PFAS: variants seen among roughly 807,000 people sequenced by gnomAD.
PFAS encodes the protein phosphoribosylformylglycinamidine synthase.
In PFAS, 97 loss-of-function variants were observed where a neutral mutation model predicts 140.6. The ratio of observed to expected loss-of-function variants is 0.69; its 90% CI spans 0.59 to 0.82. The LOEUF is 0.82. Ranked by LOEUF, PFAS falls within the 40% of genes least tolerant of loss-of-function variation. The probability of loss-of-function intolerance (pLI) is 0.00; values close to 1 mark genes in which losing one functional copy is unlikely to be tolerated. For synonymous variants in PFAS, 679 were observed against 718.8 expected, an observed-to-expected ratio of 0.94 and a Z score of 0.88; for missense variants, 1,656 against 1,780.2, an observed-to-expected ratio of 0.93 and a Z score of 1.26.
chr17:8,255,756 T>C, intron 5 of PFAS, 49 bp from the exon 6 acceptor site: 10 of 1,602,504 alleles, frequency 6.2e-6, no homozygotes, highest in Non-Finnish European at 8.5e-6. Context: ...AGATCTGGAA[T>C]GTGGCTGCCT....
chr17:8,263,964 A>T, intron 15 of PFAS, 28 bp downstream of exon 15: 2 of 1,608,382 alleles, frequency 1.2e-6, no homozygotes, highest in Non-Finnish European at 1.7e-6. Context: ...GTTGGGAGCA[A>T]ACACTGGGGC....
At position 8,264,453 on chromosome 17, in the gene PFAS, C is replaced by T. The variant is rs756659789; in HGVS notation, c.1918-17C>T. 4.3e-6 allele frequency: 7 copies of T among 1,613,278 alleles called. No homozygotes were observed. The highest frequency in any genetic ancestry group is 3.3e-5 in the Admixed American group (2 of 59,956). On this transcript the variant is annotated splice_polypyrimidine_tract_variant and intron_variant, in intron 16 of 27. Coordinates refer to ENST00000314666, the MANE Select transcript of PFAS (RefSeq NM_012393.3). ...CGCCCCAGGTGTTCACACTGCCTGT[C>T]GCTGTCTGTGTTGCAGGAGTTCTTC...
intron 13 of PFAS, 128 bp from the exon 14 acceptor site, chr17:8,263,447 G>A (rs1300102908): frequency 6.9e-6 from 7 of 1,008,616 alleles, no homozygotes; most frequent in Admixed American, 3.6e-5. Flanking sequence ...GGGATGATTG[G>A]TGGTAAGGGT....
In PFAS at chr17:8,266,916, A is replaced by G. The variant is rs1363200591; in HGVS notation, c.2967+18A>G. 6.2e-7 allele frequency: 1 copy of G among 1,600,130 alleles called. No homozygotes were observed. Among genetic ancestry groups the G allele is most frequent in the South Asian group, 1.1e-5 (1 of 89,946 alleles). On this transcript the variant is annotated intron_variant, in intron 23 of 27. Transcript: ENST00000314666. This position sits in a 1 kb window ranked among gnomAD's most constrained non-coding sequence, Gnocchi z 5.0. ...ACGCCATGGTGAGGAAGTGAGGGAG[A>G]GAGCGGTGTGCAGTGGGCAGTCAGA...
At position 8,267,303 on chromosome 17, in the gene PFAS, A is replaced by G. The variant is rs560180422; in HGVS notation, c.3175+68A>G. Reference sequence around the variant, plus strand: ...AGCCTGGATGCCTGGGCCTGCCCTCAGAAAGGTGTCTGGGGAGTTGGGGTG... The same window carrying G: ...AGCCTGGATGCCTGGGCCTGCCCTCGGAAAGGTGTCTGGGGAGTTGGGGTG... On this transcript the variant is annotated intron_variant, in intron 24 of 27. Transcript: ENST00000314666. This position sits in a 1 kb window ranked among gnomAD's most constrained non-coding sequence, Gnocchi z 4.9. 6 of 1,589,924 alleles carry G rather than the reference A, an allele frequency of 3.8e-6. No individual in the cohort carries two copies. Among genetic ancestry groups the G allele is most frequent in the South Asian group, 3.3e-5 (3 of 90,276 alleles).
chr17:8,256,792 T>G, intron 8 of PFAS, 43 bp from the exon 9 acceptor site: 1 of 1,560,080 alleles, frequency 6.4e-7, no homozygotes. Flanking sequence ...GATGGGGGTT[T>G]GTCTCTGAGG....
intron 1 of PFAS, among the ~76,000 whole-genome samples, chr17:8,250,373 G>A (rs1281082405): frequency 6.6e-6 from 1 of 152,224 alleles, no homozygotes; most frequent in African/African-American, 2.4e-5. Flanking sequence ...AGTGATGGTG[G>A]TGGCTTACTT....
In PFAS at chr17:8,264,241, T is replaced by A; in HGVS notation, c.1821T>A (p.Pro607=). ...TGCTGGTGGACGATCGGGAGTGTCC[T>A]GTCAGAAGAAATGGCCAGGGGGATG... The part of the protein sequence containing the change: ...RIVLVDDREC[P]VRRNGQGDAP... The change falls in exon 16 of 28, where the codon CCT becomes CCA. Residue 607 remains proline, a synonymous_variant. Coordinates refer to ENST00000314666, the MANE Select transcript of PFAS (RefSeq NM_012393.3). 6.2e-7 allele frequency: 1 copy of A among 1,614,078 alleles called. No homozygotes were observed. Among genetic ancestry groups the A allele is most frequent in the South Asian group, 1.1e-5 (1 of 91,080 alleles).
intron 9 of PFAS, among the ~76,000 whole-genome samples, chr17:8,257,237 C>T (rs1029078839): frequency 6.6e-6 from 1 of 152,204 alleles, no homozygotes; most frequent in African/African-American, 2.4e-5. Flanking sequence ...ATGATCAGTA[C>T]CTGCCCCTCA....
At position 8,267,957 on chromosome 17, in the gene PFAS, A is replaced by T. The variant is rs1235151097; in HGVS notation, c.3382+292A>T. 7.0e-6 allele frequency among the ~76,000 whole-genome samples: 1 copy of T among 143,830 alleles called. No homozygotes were observed. Among genetic ancestry groups the T allele is most frequent in the Non-Finnish European group, 1.5e-5 (1 of 65,986 alleles). The allele number at this position is 143,830 out of a possible 152,430, so 94.4% of individuals were successfully genotyped here. On this transcript the variant is annotated intron_variant, in intron 26 of 27. Coordinates refer to ENST00000314666, the MANE Select transcript of PFAS (RefSeq NM_012393.3). This position sits in a 1 kb window ranked among gnomAD's most constrained non-coding sequence, Gnocchi z 4.9. ...ATGTATATTATTTATATATTATTAA[A>T]ATATATATTATTTATATATATTATT...
At chr17:8,258,553 G>A (rs1311385980) in intron 11 of PFAS, among the ~76,000 whole-genome samples, 3 of 152,110 alleles carry the variant, frequency 2.0e-5, no homozygotes, top group Admixed American at 6.6e-5. Context: ...CAATCAAGAC[G>A]TGGTGGGCCA....
Position 8,256,523 on chromosome 17 carries a change from G to A in PFAS, c.822-1G>A. The A allele has an allele frequency of 6.2e-7, 1 of 1,614,162 alleles. No homozygotes were observed. The highest frequency in any genetic ancestry group is 8.5e-7 in the Non-Finnish European group (1 of 1,180,038). ...AAGGTCCATGACGGGTATGTCCACAGTGCAATCCAGGGAAAGGAAGTCCGA... is the reference window on the plus strand; with the variant it reads ...AAGGTCCATGACGGGTATGTCCACAATGCAATCCAGGGAAAGGAAGTCCGA... On this transcript the variant is annotated splice_acceptor_variant, in intron 7 of 27. Coordinates refer to ENST00000314666, the MANE Select transcript of PFAS (RefSeq NM_012393.3). LOFTEE classifies it high-confidence loss of function.
At position 8,258,151 on chromosome 17, in the gene PFAS, A is replaced by G. The variant is rs980207587; in HGVS notation, c.1288A>G (p.Ile430Val). ...CAAGCCCATCATGTTTAGTGGGGGC[A>G]TTGGGTCCATGGAAGCTGACCACAT... ...WIKPIMFSGG[I>V]GSMEADHISK... Residue 430 changes from isoleucine to valine, a missense_variant, in exon 11 of 28, where the codon ATT becomes GTT. Transcript: ENST00000314666. The G allele has an allele frequency of 6.2e-7, 1 of 1,614,114 alleles. No individual in the cohort carries two copies. The highest frequency in any genetic ancestry group is 1.3e-5 in the African/African-American group (1 of 75,042).
At chr17:8,248,549 C>G (rs1393681884), upstream of PFAS, among the ~76,000 whole-genome samples, 2 of 150,294 alleles carry the variant, frequency 1.3e-5, no homozygotes, top group African/African-American at 2.5e-5. Context: ...GCGTGAAACA[C>G]AGCCCCTGGC....
At position 8,257,015 on chromosome 17, in the gene PFAS, G is replaced by A. The variant is rs189142232; in HGVS notation, c.1075+52G>A. 4.2e-3 allele frequency: 6,753 copies of A among 1,601,892 alleles called. 24 individuals are homozygous for A. The highest frequency in any genetic ancestry group is 0.013 in the South Asian group (1,176 of 90,630). Reference sequence around the variant, plus strand: ...CTTCCCTTCCAGATTCCTTGTCCTGGCAGGCAGCAAACTTCTATCTGTTAG... The same window carrying A: ...CTTCCCTTCCAGATTCCTTGTCCTGACAGGCAGCAAACTTCTATCTGTTAG... On this transcript the variant is annotated intron_variant, in intron 9 of 27. Transcript: ENST00000314666.
rs547410419 is a variant in PFAS, at chr17:8,251,277, C to G, written c.-80+1938C>G. 9.2e-5 allele frequency among the ~76,000 whole-genome samples: 14 copies of G among 151,952 alleles called. No homozygotes were observed. The South Asian group carries it at 2.9e-3, about 32-fold the overall frequency. On this transcript the variant is annotated intron_variant, in intron 1 of 27. Coordinates refer to ENST00000314666, the MANE Select transcript of PFAS (RefSeq NM_012393.3). ...CTCCAGCCTGGCAACAGAGTGAGAC[C>G]CCATCTCAAAAAAAGAAAAAGAAAG... is the stretch of plus-strand genomic sequence containing the variant.
In PFAS at chr17:8,266,820, G is replaced by A. The variant is rs1179796156; in HGVS notation, c.2889G>A (p.Gln963=). 1.2e-6 allele frequency: 2 copies of A among 1,611,994 alleles called. No individual in the cohort carries two copies. The highest frequency in any genetic ancestry group is 1.3e-5 in the African/African-American group (1 of 74,938). ...AGGTGCAGGAGCCAGACCTGGCCCAGGTGCTGAAGCGTTACCGGGATGCTG... is the reference window on the plus strand; with the variant it reads ...AGGTGCAGGAGCCAGACCTGGCCCAAGTGCTGAAGCGTTACCGGGATGCTG... ...VLEVQEPDLA[Q]VLKRYRDAGL... The change falls in exon 23 of 28, where the codon CAG becomes CAA. Residue 963 remains glutamine, a synonymous_variant. Transcript: ENST00000314666. This position sits in a 1 kb window ranked among gnomAD's most constrained non-coding sequence, Gnocchi z 5.0.
intron 26 of PFAS, 102 bp from the exon 27 acceptor site, chr17:8,268,431 G>T: frequency 2.7e-6 from 2 of 750,428 alleles, no homozygotes; most frequent in Non-Finnish European, 4.3e-6. Flanking sequence ...GGAAAAGGAA[G>T]AAAGAAAAAA....
chr17:8,254,065 A>G lies in PFAS; in HGVS notation c.128A>G (p.Asn43Ser), dbSNP rs1420906225. The G allele has an allele frequency of 2.5e-6, 4 of 1,614,094 alleles. No individual in the cohort carries two copies. The highest frequency in any genetic ancestry group is 3.4e-6 in the Non-Finnish European group (4 of 1,179,988). ...GGCGTCGAGACTGAACTGTGCTACA[A>G]CGTGAACTGGACAGGTTGGGCCCAG... ...LQGVETELCY[N>S]VNWTAEALPS... Residue 43 changes from asparagine to serine, a missense_variant, in exon 2 of 28, where the codon AAC (asparagine) becomes AGC (serine). Asn to Ser is a conservative substitution (Grantham distance 46, BLOSUM62 1). Transcript: ENST00000314666.
Sources: allele counts gnomAD v4.1 joint callset (sites outside exome capture counted in the v4.1 genomes callset), GRCh38; gene constraint gnomAD v4.1.1; non-coding constraint Gnocchi (gnomAD v3.1); transcripts MANE v1.5; gene names NCBI Gene and HGNC (gene_info 2026-07-23, HGNC 2026-07-21).